MMS22L: variants seen among roughly 807,000 people sequenced by gnomAD.
MMS22L encodes protein MMS22-like.
A neutral mutation model predicts 159.1 loss-of-function variants in MMS22L; 74 were observed. That is an observed-to-expected ratio of 0.47 (90% CI 0.39 to 0.56). MMS22L has a LOEUF of 0.56. Among genes scored for constraint, MMS22L ranks in the 20% least tolerant of loss-of-function variants. The pLI is 0.00. For missense variants in MMS22L, 1,351 were observed against 1,422.1 expected (o/e 0.95, Z 0.80); for synonymous variants, 517 against 506.9 (o/e 1.02, Z -0.27).
At chr6:97,154,872 T>C (rs1376018927) in intron 22 of MMS22L, among the ~76,000 whole-genome samples, 3 of 152,198 alleles carry the variant, frequency 2.0e-5, no homozygotes, top group Non-Finnish European at 4.4e-5. Flanking sequence ...GTAACATGTT[T>C]TGAAATCAAG....
rs1816836935 is a variant in MMS22L, at chr6:97,282,416, G to A, written c.62C>T (p.Thr21Met). Reference sequence around the variant, plus strand: ...AAAGTAAGGAGGTTTGCACCATTCCGTCCCCAGCTCCAGCTCTAAGCTGTC... The same window carrying A: ...AAAGTAAGGAGGTTTGCACCATTCCATCCCCAGCTCCAGCTCTAAGCTGTC... Reference protein sequence around the residue: ...LTDSLELELGTEWCKPPYFSC... With the variant: ...LTDSLELELGMEWCKPPYFSC... The change falls in exon 2 of 25, where the codon ACG (threonine) becomes ATG (methionine). Residue 21 changes from threonine to methionine, a missense_variant. Coordinates refer to ENST00000683635, the MANE Select transcript of MMS22L (RefSeq NM_001350599.2). 1.9e-6 allele frequency: 3 copies of A among 1,613,928 alleles called. No homozygotes were observed. Among genetic ancestry groups the A allele is most frequent in the Admixed American group, 1.7e-5 (1 of 59,998 alleles).
At chr6:97,248,345 C>T (rs2128044489) in intron 10 of MMS22L, among the ~76,000 whole-genome samples, 1 of 152,316 alleles carries the variant, frequency 6.6e-6, no homozygotes, top group Middle Eastern at 3.4e-3. Context: ...GAGCTAGAAC[C>T]ACCCAGCTAA....
Position 97,162,013 on chromosome 6 carries a change from C to G in MMS22L, c.3374G>C (p.Ser1125Thr). The G allele has an allele frequency of 6.2e-7, 1 of 1,607,270 alleles. No individual in the cohort carries two copies. The highest frequency in any genetic ancestry group is 8.5e-7 in the Non-Finnish European group (1 of 1,177,852). Residue 1125 changes from serine (S) to threonine (T), a missense_variant, in exon 22 of 25, where the codon AGT (serine) becomes ACT (threonine). Physicochemically the swap from Ser to Thr is moderately conservative, Grantham distance 58. Coordinates refer to ENST00000683635, the MANE Select transcript of MMS22L (RefSeq NM_001350599.2). ...GCTTACAAACAAACCTTGTGGTTCA[C>G]TGACTAACACCAAGCATTTTAAAAT... ...PGILKCLVLV[S>T]EPQVKRLATE...
At chr6:97,225,169 G>A (rs1011313729) in intron 14 of MMS22L, among the ~76,000 whole-genome samples, 6 of 152,088 alleles carry the variant, frequency 3.9e-5, no homozygotes, top group East Asian at 1.9e-4. Context: ...TATTTTTAAA[G>A]AATTACATAC....
intron 14 of MMS22L, among the ~76,000 whole-genome samples, chr6:97,195,202 A>G (rs573277648): frequency 1.3e-5 from 2 of 152,292 alleles, no homozygotes; most frequent in South Asian, 4.1e-4. Context: ...AGTGAGAAGA[A>G]AAAGTGCAAA....
Position 97,179,303 on chromosome 6 carries a change from C to T in MMS22L, c.2536+105G>A, listed in dbSNP as rs943858354. On this transcript the variant is annotated intron_variant, in intron 17 of 24. Transcript: ENST00000683635. ...TTCTGCTTGTATTCATACCCAATTACGAATATTTTGTATATTTTCTATTAA... is the reference window on the plus strand; with the variant it reads ...TTCTGCTTGTATTCATACCCAATTATGAATATTTTGTATATTTTCTATTAA... 106 of 967,860 alleles carry T rather than the reference C, an allele frequency of 1.1e-4. 1 individual carries two copies. The highest frequency in any genetic ancestry group is 8.8e-4 in the African/African-American group (52 of 59,216). The allele number at this position is 967,860 out of a possible 1,614,324, so 60.0% of individuals were successfully genotyped here. A position where few individuals can be genotyped will look rare whatever the true frequency, so the allele number is the denominator to read the frequency against.
At chr6:97,213,621 A>G (rs2127952978) in intron 14 of MMS22L, among the ~76,000 whole-genome samples, 1 of 152,310 alleles carries the variant, frequency 6.6e-6, no homozygotes, top group South Asian at 2.1e-4. Flanking sequence ...TCTACTACAT[A>G]TAATTCTGTA....
chr6:97,167,882 C>A (rs1803131889), intron 20 of MMS22L, among the ~76,000 whole-genome samples, 189 bp downstream of exon 20: 1 of 152,104 alleles, frequency 6.6e-6, no homozygotes, highest in Non-Finnish European at 1.5e-5. Context: ...ACTTTAAGCT[C>A]CTCTGCTTTT....
intron 22 of MMS22L, 65 bp downstream of exon 22, chr6:97,161,937 G>A: frequency 6.8e-7 from 1 of 1,469,620 alleles, no homozygotes; most frequent in South Asian, 1.2e-5. Context: ...ATTAAATTGA[G>A]GGGAAACAGT....
chr6:97,269,271 T>C (rs1259186585), intron 7 of MMS22L, among the ~76,000 whole-genome samples: 1 of 152,102 alleles, frequency 6.6e-6, no homozygotes. Flanking sequence ...TATCAACTAC[T>C]GGCAAGAGTA....
At chr6:97,164,853 T>C (rs1014309917) in intron 21 of MMS22L, among the ~76,000 whole-genome samples, 1 of 151,964 alleles carries the variant, frequency 6.6e-6, no homozygotes, top group African/African-American at 2.4e-5. Context: ...TCCTGACCTC[T>C]AGTAATCCAC....
chr6:97,271,684 T>C (rs559186030), intron 6 of MMS22L: 2 of 152,328 alleles, frequency 1.3e-5, no homozygotes, highest in Non-Finnish European at 2.9e-5. Flanking sequence ...ACTTATTTTA[T>C]TTCTTGAGAT....
intron 14 of MMS22L, among the ~76,000 whole-genome samples, chr6:97,226,749 T>C (rs1369121047): frequency 6.6e-6 from 1 of 152,150 alleles, no homozygotes; most frequent in East Asian, 1.9e-4. Flanking sequence ...GAAGGTTCTA[T>C]AGAAACAATT....
chr6:97,151,604 A>T, intron 23 of MMS22L, 167 bp downstream of exon 23: 1 of 557,306 alleles, frequency 1.8e-6, no homozygotes, highest in Non-Finnish European at 3.2e-6. Flanking sequence ...TTTATTTTTC[A>T]ATAAAACATC....
At chr6:97,214,684 T>G (rs867132411) in intron 14 of MMS22L, among the ~76,000 whole-genome samples, 20 of 91,704 alleles carry the variant, frequency 2.2e-4, no homozygotes, top group South Asian at 7.1e-4. Flanking sequence ...CTATTTTTTT[T>G]GTTTTTTTTT....
chr6:97,255,099 A>G (rs2128058786), intron 9 of MMS22L, among the ~76,000 whole-genome samples: 1 of 152,072 alleles, frequency 6.6e-6, no homozygotes, highest in East Asian at 1.9e-4. Context: ...CTTGTTTCTA[A>G]TTCTTTTGTA....
intron 16 of MMS22L, 98 bp from the exon 17 acceptor site, chr6:97,179,657 C>G (rs1331811033): frequency 9.6e-7 from 1 of 1,038,994 alleles, no homozygotes; most frequent in Non-Finnish European, 1.3e-6. Context: ...CCTGCAACTC[C>G]TTGGCCTCAT....
chr6:97,233,365 G>A (rs1432135058), intron 12 of MMS22L, among the ~76,000 whole-genome samples: 1 of 152,026 alleles, frequency 6.6e-6, no homozygotes, highest in Non-Finnish European at 1.5e-5. Context: ...CATTCCCAAA[G>A]CCAAGTTCAA....
intron 22 of MMS22L, among the ~76,000 whole-genome samples, chr6:97,156,588 T>C (rs1801873385): frequency 6.6e-6 from 1 of 152,178 alleles, no homozygotes; most frequent in South Asian, 2.1e-4. Context: ...CTTTCCCCAT[T>C]GCTTGTGTCA....
Sources: gnomAD v4.1 joint callset for allele counts (sites outside exome capture counted in the v4.1 genomes callset) on GRCh38, gnomAD v4.1.1 for gene constraint, MANE v1.5 for transcripts, NCBI Gene and HGNC (gene_info 2026-07-23, HGNC 2026-07-21) for gene names.